The following CCSER2 variants were observed in gnomAD, a reference collection of about 807,000 sequenced individuals.
CCSER2 encodes coiled-coil serine rich protein 2.
Under a neutral mutation model 92.3 loss-of-function variants are expected in CCSER2, and 46 were observed. The ratio of observed to expected loss-of-function variants is 0.50; its 90% CI spans 0.39 to 0.64. The LOEUF (loss-of-function observed/expected upper bound fraction) is 0.64. CCSER2 is among the 30% of genes least tolerant of loss of function. The probability of loss-of-function intolerance (pLI) is 0.00; values close to 1 mark genes in which losing one functional copy is unlikely to be tolerated. For missense variants in CCSER2, 1,244 were observed against 1,238.9 expected (o/e 1.00, Z -0.06); for synonymous variants, 433 against 431.4 (o/e 1.00, Z -0.04).
intron 3 of CCSER2, among the ~76,000 whole-genome samples, chr10:84,406,703 A>G (rs1160191521): frequency 2.6e-5 from 4 of 152,208 alleles, no homozygotes; most frequent in East Asian, 1.9e-4. Flanking sequence ...AAACAGGTCT[A>G]TATGGATGTT....
intron 3 of CCSER2, among the ~76,000 whole-genome samples, chr10:84,416,971 T>G (rs181381555): frequency 6.6e-6 from 1 of 152,382 alleles, no homozygotes; most frequent in South Asian, 2.1e-4. Flanking sequence ...CTCAGTCTTT[T>G]AAAAGTTTGT....
intron 9 of CCSER2, among the ~76,000 whole-genome samples, chr10:84,512,599 A>G (rs1849421633): frequency 6.6e-6 from 1 of 152,188 alleles, no homozygotes; most frequent in Non-Finnish European, 1.5e-5. Context: ...ATAACTACAC[A>G]ATGAGCTTCA....
chr10:84,353,896 CAAAAAAACAAAA>C (rs75744220), intron 1 of CCSER2, among the ~76,000 whole-genome samples: 26,808 of 151,614 alleles, frequency 0.18, 2,938 homozygotes, highest in East Asian at 0.33. Flanking sequence ...AACAAAAAAA[CAAAAAAACAAAA>C]AAACCCAGGC....
intron 1 of CCSER2, among the ~76,000 whole-genome samples, chr10:84,362,610 C>G (rs1470160674): frequency 1.3e-5 from 2 of 152,090 alleles, no homozygotes; most frequent in African/African-American, 4.8e-5. Flanking sequence ...TTGAGCTTAA[C>G]TTTTACAAGT....
At chr10:84,502,066 C>G (rs551841638) in intron 9 of CCSER2, among the ~76,000 whole-genome samples, 2 of 149,790 alleles carry the variant, frequency 1.3e-5, no homozygotes, top group South Asian at 2.1e-4. Flanking sequence ...AACTACTACT[C>G]TATTTTGAAT....
chr10:84,479,995 G>A (rs1847366199), intron 9 of CCSER2, among the ~76,000 whole-genome samples: 1 of 152,122 alleles, frequency 6.6e-6, no homozygotes, highest in African/African-American at 2.4e-5. Context: ...CATGGTAGAA[G>A]ACTTAGCAGT....
intron 6 of CCSER2, among the ~76,000 whole-genome samples, chr10:84,458,587 G>A (rs1166956636): frequency 6.6e-6 from 1 of 152,068 alleles, no homozygotes; most frequent in Non-Finnish European, 1.5e-5. Flanking sequence ...GATTTTGATA[G>A]GGAGAATACT....
chr10:84,498,881 G>T (rs541073398), intron 9 of CCSER2, among the ~76,000 whole-genome samples: 1 of 152,202 alleles, frequency 6.6e-6, no homozygotes, highest in South Asian at 2.1e-4. Flanking sequence ...CTTGAAAAAA[G>T]TTTTTTCTGT....
intron 9 of CCSER2, among the ~76,000 whole-genome samples, chr10:84,509,060 A>G (rs995781368): frequency 6.6e-6 from 1 of 152,232 alleles, no homozygotes; most frequent in African/African-American, 2.4e-5. Context: ...GTACTTATGT[A>G]TAACATGCTT....
At chr10:84,428,978 T>G (rs1843599589) in intron 5 of CCSER2, among the ~76,000 whole-genome samples, 1 of 67,220 alleles carries the variant, frequency 1.5e-5, no homozygotes, top group Non-Finnish European at 3.5e-5. Context: ...TTTTTGTGTG[T>G]GTATGTGTAT....
In CCSER2 at chr10:84,477,785, G is replaced by A. The variant is rs542275169; in HGVS notation, c.2325+121G>A. 180 of 593,198 alleles carry A rather than the reference G, an allele frequency of 3.0e-4. 1 individual carries two copies. Among genetic ancestry groups the A allele is most frequent in the Non-Finnish European group, 4.7e-4 (161 of 339,858 alleles). The allele number at this position is 593,198 out of a possible 1,614,324, so 36.7% of individuals were successfully genotyped here. A position where few individuals can be genotyped will look rare whatever the true frequency, so the allele number is the denominator to read the frequency against. On this transcript the variant is annotated intron_variant, in intron 9 of 9. Coordinates refer to ENST00000372088, the MANE Select transcript of CCSER2 (RefSeq NM_001284240.2). ...TGTCATGGCTGTTAATTTTTTTGTA[G>A]GTAATTTATTTTTGCTTGTCTCTTA...
rs1564740475 is a variant in CCSER2 at position 84,513,854 on chromosome 10, G to T, written c.2731G>T (p.Val911Leu). 3.3e-6 allele frequency: 5 copies of T among 1,536,336 alleles called. No individual in the cohort carries two copies. The highest frequency in any genetic ancestry group is 4.4e-6 in the Non-Finnish European group (5 of 1,146,964). Residue 911 changes from valine to leucine, a missense_variant, in exon 10 of 10, where the codon GTG (valine) becomes TTG (leucine). Physicochemically the swap from Val to Leu is conservative, Grantham distance 32. Transcript: ENST00000372088. ...AGTTGGAAGAAATCAGTCTCCGCCA[G>T]TGGGTTATATGTCTCAGCCCAAGTC... is the stretch of plus-strand genomic sequence containing the variant. ...KRVGRNQSPP[V>L]GYMSQPKSLQ...
chr10:84,500,069 G>T lies in CCSER2; in HGVS notation c.2326-13380G>T, dbSNP rs971013391. On this transcript the variant is annotated intron_variant, in intron 9 of 9. Coordinates refer to ENST00000372088, the MANE Select transcript of CCSER2 (RefSeq NM_001284240.2). ...CCTCCTTTTCTATCCTGAGTGCTCT[G>T]CAGGCATCTGCTAAAGCAGCACTCT... 4.8e-6 allele frequency: 7 copies of T among 1,451,836 alleles called. No individual in the cohort carries two copies. In the African/African-American group the frequency reaches 8.4e-5, roughly 17 times the overall value. 89.9% of individuals were successfully genotyped at this position (1,451,836 alleles called of 1,614,324 possible).
intron 3 of CCSER2, among the ~76,000 whole-genome samples, chr10:84,385,158 A>G (rs1235357811): frequency 6.6e-6 from 1 of 152,214 alleles, no homozygotes; most frequent in African/African-American, 2.4e-5. Context: ...TTAGAAGAAT[A>G]TCATTAAAAT....
At chr10:84,498,099 T>C (rs543273882) in intron 9 of CCSER2, among the ~76,000 whole-genome samples, 2 of 152,338 alleles carry the variant, frequency 1.3e-5, no homozygotes, top group African/African-American at 4.8e-5. Flanking sequence ...CATACCTCTT[T>C]GGTGAAGGAA....
At chr10:84,434,657 A>G (rs1843995496) in intron 5 of CCSER2, among the ~76,000 whole-genome samples, 1 of 152,172 alleles carries the variant, frequency 6.6e-6, no homozygotes, top group South Asian at 2.1e-4. Flanking sequence ...GAGGTTGGAA[A>G]CTTAATAATA....
intron 3 of CCSER2, among the ~76,000 whole-genome samples, chr10:84,375,312 C>T (rs7083097): frequency 0.21 from 31,897 of 151,992 alleles, 3,612 homozygotes; most frequent in Admixed American, 0.34. Flanking sequence ...AAAAAAACAT[C>T]CATTCTGTGC....
At chr10:84,408,385 A>G (rs979250161) in intron 3 of CCSER2, among the ~76,000 whole-genome samples, 2 of 152,058 alleles carry the variant, frequency 1.3e-5, no homozygotes, top group Admixed American at 1.3e-4. Context: ...ATAAGGATTT[A>G]TTTATATATG....
At chr10:84,416,109 T>C (rs889600365) in intron 3 of CCSER2, among the ~76,000 whole-genome samples, 4 of 152,228 alleles carry the variant, frequency 2.6e-5, no homozygotes, top group Non-Finnish European at 5.9e-5. Flanking sequence ...TATCCTCTGG[T>C]TGCAAAGACC....
Sources: gnomAD v4.1 joint callset for allele counts (sites outside exome capture counted in the v4.1 genomes callset) on GRCh38, gnomAD v4.1.1 for gene constraint, MANE v1.5 for transcripts, NCBI Gene and HGNC (gene_info 2026-07-23, HGNC 2026-07-21) for gene names.